SGCZ: variants seen among roughly 807,000 people sequenced by gnomAD.
SGCZ encodes the protein zeta-sarcoglycan.
A neutral mutation model predicts 41.3 loss-of-function variants in SGCZ; 40 were observed. The ratio of observed to expected loss-of-function variants is 0.97; its 90% CI spans 0.75 to 1.26. The LOEUF (loss-of-function observed/expected upper bound fraction) is 1.26, where lower values mean the gene tolerates loss of function less well. Among genes scored for constraint, SGCZ ranks in the 50% most tolerant of loss-of-function variants. The pLI is 0.00. For synonymous variants in SGCZ, 206 were observed against 137.5 expected (o/e 1.50, Z -3.49); for missense variants, 552 against 369.8 (o/e 1.49, Z -4.04).
At chr8:14,207,439 TCAGAA>T (rs969811265) in intron 4 of SGCZ, among the ~76,000 whole-genome samples, 5 of 152,194 alleles carry the variant, frequency 3.3e-5, no homozygotes, top group African/African-American at 1.2e-4. Context: ...AATACTTAGT[TCAGAA>T]AAGAAATATT....
chr8:14,975,895 C>CACAT (rs1491138914), intron 1 of SGCZ, among the ~76,000 whole-genome samples: 4 of 118,850 alleles, frequency 3.4e-5, no homozygotes, highest in African/African-American at 1.0e-4. Context: ...CACACACACA[C>CACAT]ATATATATAC....
At chr8:14,189,488 A>T (rs569344816) in intron 4 of SGCZ, among the ~76,000 whole-genome samples, 173 of 152,224 alleles carry the variant, frequency 1.1e-3, no homozygotes, top group Middle Eastern at 6.8e-3. Flanking sequence ...CTTAAACACA[A>T]TGACTTTGCT....
intron 1 of SGCZ, among the ~76,000 whole-genome samples, chr8:15,144,565 G>A (rs892140451): frequency 1.1e-4 from 16 of 151,838 alleles, no homozygotes; most frequent in Admixed American, 2.0e-4. Context: ...GGGTTCAAGC[G>A]ATTCTCCTGC....
intron 5 of SGCZ, among the ~76,000 whole-genome samples, chr8:14,162,006 G>A (rs1253366684): frequency 6.6e-6 from 1 of 152,110 alleles, no homozygotes; most frequent in Non-Finnish European, 1.5e-5. Flanking sequence ...TTAAGGCACT[G>A]AATTAAAAAG....
At chr8:14,200,603 G>GT (rs374854659) in intron 4 of SGCZ, among the ~76,000 whole-genome samples, 12 of 151,942 alleles carry the variant, frequency 7.9e-5, no homozygotes, top group Non-Finnish European at 1.3e-4. Context: ...TAAAAGAGGT[G>GT]TTTTTTTGTT....
intron 1 of SGCZ, among the ~76,000 whole-genome samples, chr8:14,636,690 A>C (rs1022005056): frequency 6.6e-6 from 1 of 151,850 alleles, no homozygotes; most frequent in Admixed American, 6.6e-5. Context: ...GAAGGAAGGC[A>C]TATATAGAAA....
chr8:14,259,188 G>C (rs1417058558), intron 3 of SGCZ, among the ~76,000 whole-genome samples: 1 of 152,124 alleles, frequency 6.6e-6, no homozygotes, highest in African/African-American at 2.4e-5. Flanking sequence ...TTATGCCATA[G>C]ATAAAATACC....
intron 5 of SGCZ, among the ~76,000 whole-genome samples, chr8:14,137,727 G>C (rs1455298031): frequency 1.3e-5 from 2 of 152,182 alleles, no homozygotes; most frequent in Admixed American, 6.5e-5. Context: ...AAGTGATGGG[G>C]AGAATGGACC....
chr8:14,317,301 T>C (rs992607082), intron 3 of SGCZ, among the ~76,000 whole-genome samples: 3 of 152,080 alleles, frequency 2.0e-5, no homozygotes, highest in Non-Finnish European at 4.4e-5. Context: ...TAGGTGCTAC[T>C]ATGAACTTCA....
intron 1 of SGCZ, among the ~76,000 whole-genome samples, chr8:15,163,013 G>A (rs1352373259): frequency 6.6e-6 from 1 of 152,168 alleles, no homozygotes; most frequent in Non-Finnish European, 1.5e-5. Flanking sequence ...ACATTATTTT[G>A]AAATCATTTC....
chr8:14,322,469 C>A (rs1051713938), intron 3 of SGCZ, among the ~76,000 whole-genome samples: 32 of 152,058 alleles, frequency 2.1e-4, no homozygotes, highest in African/African-American at 7.0e-4. Flanking sequence ...CTCTATGGTC[C>A]ATAGGTGGAA....
At chr8:14,721,070 C>G (rs1460511424) in intron 1 of SGCZ, among the ~76,000 whole-genome samples, 1 of 152,122 alleles carries the variant, frequency 6.6e-6, no homozygotes, top group African/African-American at 2.4e-5. Context: ...GGGTGCCACT[C>G]TTGGATTTCT....
intron 1 of SGCZ, among the ~76,000 whole-genome samples, chr8:15,053,763 G>A (rs560368594): frequency 3.9e-5 from 6 of 152,002 alleles, no homozygotes; most frequent in Non-Finnish European, 7.4e-5. Context: ...ATATTTACCT[G>A]GATTACCTTC....
At chr8:14,965,423 A>G (rs1163801568) in intron 1 of SGCZ, among the ~76,000 whole-genome samples, 1 of 152,178 alleles carries the variant, frequency 6.6e-6, no homozygotes, top group Non-Finnish European at 1.5e-5. Context: ...GCCAAAGATG[A>G]GTGAGAAAAC....
chr8:14,571,874 A>G (rs957311248), intron 1 of SGCZ, among the ~76,000 whole-genome samples: 1 of 152,328 alleles, frequency 6.6e-6, no homozygotes, highest in Admixed American at 6.5e-5. Flanking sequence ...ACCAACAGCC[A>G]ATGCAGTCCA....
chr8:14,728,392 T>A (rs35459555), intron 1 of SGCZ, among the ~76,000 whole-genome samples: 13 of 136,070 alleles, frequency 9.6e-5, no homozygotes, highest in East Asian at 2.2e-4. Flanking sequence ...AAAAAAAACA[T>A]AATAAAGACA....
intron 2 of SGCZ, among the ~76,000 whole-genome samples, chr8:14,385,744 C>CA (rs1484536285): frequency 6.6e-6 from 1 of 151,824 alleles, no homozygotes; most frequent in Non-Finnish European, 1.5e-5. Flanking sequence ...CAAACAAAAA[C>CA]AAAAAAACAA....
chr8:14,322,557 A>C (rs1001305253), intron 3 of SGCZ, among the ~76,000 whole-genome samples: 2 of 152,104 alleles, frequency 1.3e-5, no homozygotes, highest in Non-Finnish European at 2.9e-5. Flanking sequence ...CCTGGCTGAG[A>C]AGATAAATTC....
In SGCZ at chr8:14,409,959, CA is replaced by C. The variant is rs11331725; in HGVS notation, c.235-85756del. Among the ~76,000 whole-genome samples, 422 of 152,164 alleles carry C rather than the reference CA, an allele frequency of 2.8e-3. 1 individual carries two copies. Among genetic ancestry groups the C allele is most frequent in the African/African-American group, 8.0e-3 (332 of 41,510 alleles). ...CTTAAAATCAATGAGTTTATTAGAA[CA>C]GGGGTCCCCAACTCCCAGGCCACGG... On this transcript the variant is annotated intron_variant, in intron 2 of 7. Transcript: ENST00000382080.
Sources: allele counts gnomAD v4.1 joint callset (sites outside exome capture counted in the v4.1 genomes callset), GRCh38; gene constraint gnomAD v4.1.1; transcripts MANE v1.5; gene names NCBI Gene and HGNC (gene_info 2026-07-23, HGNC 2026-07-21).